ASAP1: variants seen among roughly 807,000 people sequenced by gnomAD.
The protein encoded by ASAP1 is arf-GAP with SH3 domain, ANK repeat and PH domain-containing protein 1.
ASAP1 carries 43 observed loss-of-function variants against 145.2 expected under a neutral mutation model. That is an observed-to-expected ratio of 0.30 (90% CI 0.23 to 0.38). The LOEUF (loss-of-function observed/expected upper bound fraction) is 0.38, where lower values mean the gene tolerates loss of function less well. ASAP1 is among the 10% of genes least tolerant of loss of function. The pLI, the probability that ASAP1 is intolerant of heterozygous loss-of-function variation, is 1.00. For synonymous variants in ASAP1, 546 were observed against 515.5 expected (o/e 1.06, Z -0.80); for missense variants, 1,018 against 1,355.3 (o/e 0.75, Z 3.91).
intron 3 of ASAP1, among the ~76,000 whole-genome samples, chr8:130,284,785 C>G (rs745431608): frequency 9.2e-5 from 14 of 151,786 alleles, no homozygotes; most frequent in Admixed American, 2.0e-4. Flanking sequence ...TCCCTCCCCC[C>G]ATAAGAATAC....
intron 3 of ASAP1, among the ~76,000 whole-genome samples, chr8:130,282,013 G>A (rs953548892): frequency 4.0e-5 from 6 of 150,106 alleles, no homozygotes; most frequent in Non-Finnish European, 8.8e-5. Flanking sequence ...GTTGCAGTGA[G>A]CCAAGATCAT....
chr8:130,394,377 A>G (rs572841259), intron 2 of ASAP1, among the ~76,000 whole-genome samples: 7 of 152,312 alleles, frequency 4.6e-5, no homozygotes, highest in South Asian at 4.1e-4. Flanking sequence ...CCAGACTCCC[A>G]TAGCGCTCCC....
At chr8:130,403,141 C>A (rs1828871582) in intron 1 of ASAP1, among the ~76,000 whole-genome samples, 1 of 152,050 alleles carries the variant, frequency 6.6e-6, no homozygotes, top group Admixed American at 6.6e-5. Context: ...GCATGGATTT[C>A]TAAGATAAGG....
intron 1 of ASAP1, among the ~76,000 whole-genome samples, chr8:130,434,401 C>T (rs1161658398): frequency 6.6e-6 from 1 of 152,054 alleles, no homozygotes; most frequent in Admixed American, 6.6e-5. Context: ...CTAGGCTCTG[C>T]GTATTTCAGG....
At chr8:130,212,436 G>C (rs552607468) in intron 5 of ASAP1, among the ~76,000 whole-genome samples, 2 of 152,326 alleles carry the variant, frequency 1.3e-5, no homozygotes, top group South Asian at 4.1e-4. Context: ...GAGGGAAACA[G>C]CACAACCAGA....
At chr8:130,359,217 T>C (rs979977600) in intron 2 of ASAP1, among the ~76,000 whole-genome samples, 2 of 152,218 alleles carry the variant, frequency 1.3e-5, no homozygotes, top group African/African-American at 4.8e-5. Context: ...TTGCACTTTT[T>C]TTTTTAACTT....
At chr8:130,428,932 A>G (rs1830045322) in intron 1 of ASAP1, among the ~76,000 whole-genome samples, 1 of 152,200 alleles carries the variant, frequency 6.6e-6, no homozygotes, top group African/African-American at 2.4e-5. Flanking sequence ...TCCAAAATCA[A>G]TATATCAGCA....
At chr8:130,297,061 T>C (rs1822324783) in intron 3 of ASAP1, among the ~76,000 whole-genome samples, 1 of 152,172 alleles carries the variant, frequency 6.6e-6, no homozygotes, top group Non-Finnish European at 1.5e-5. Flanking sequence ...GGTAGACAGC[T>C]GTGTGGGGGG....
chr8:130,301,709 A>G (rs187640641), intron 3 of ASAP1, among the ~76,000 whole-genome samples: 25 of 152,356 alleles, frequency 1.6e-4, no homozygotes, highest in Admixed American at 9.8e-4. Context: ...GGTACATAAA[A>G]TGGGATCATC....
At chr8:130,296,293 T>C (rs1215373658) in intron 3 of ASAP1, among the ~76,000 whole-genome samples, 1 of 152,306 alleles carries the variant, frequency 6.6e-6, no homozygotes, top group East Asian at 1.9e-4. Context: ...ATGTTTGCAT[T>C]TGGGTGCTTC....
intron 13 of ASAP1, among the ~76,000 whole-genome samples, chr8:130,143,997 G>A (rs1461643450): frequency 2.0e-5 from 3 of 152,188 alleles, no homozygotes; most frequent in Admixed American, 6.5e-5. Flanking sequence ...AGGCTGACGC[G>A]TGGAAAGAGG....
intron 13 of ASAP1, among the ~76,000 whole-genome samples, chr8:130,151,626 G>A (rs886662734): frequency 2.6e-5 from 4 of 152,194 alleles, no homozygotes; most frequent in African/African-American, 9.6e-5. Context: ...GCAAGGGACA[G>A]AGACAATGCA....
At chr8:130,433,530 A>G (rs1025711366) in intron 1 of ASAP1, among the ~76,000 whole-genome samples, 6 of 152,214 alleles carry the variant, frequency 3.9e-5, no homozygotes, top group African/African-American at 1.4e-4. Flanking sequence ...GTGCCAAATT[A>G]TTAACAGTTA....
Position 130,061,077 on chromosome 8 carries a change from A to T in ASAP1, c.2702-8T>A. The T allele has an allele frequency of 1.3e-6, 2 of 1,521,388 alleles. No homozygotes were observed. Among genetic ancestry groups the T allele is most frequent in the South Asian group, 1.3e-5 (1 of 74,548 alleles). The allele number at this position is 1,521,388 out of a possible 1,614,324, so 94.2% of individuals were successfully genotyped here. Reference sequence around the variant, plus strand: ...CTGTTTTCCTTAGTGCCACTGTGGAAGCAATCAAAAACAAGGAGGTCATTG... The same window carrying T: ...CTGTTTTCCTTAGTGCCACTGTGGATGCAATCAAAAACAAGGAGGTCATTG... On this transcript the variant is annotated splice_region_variant and splice_polypyrimidine_tract_variant and intron_variant, in intron 27 of 29. Transcript: ENST00000518721.
chr8:130,431,694 C>T (rs1002142971), intron 1 of ASAP1, among the ~76,000 whole-genome samples: 3 of 152,000 alleles, frequency 2.0e-5, no homozygotes, highest in African/African-American at 4.8e-5. Flanking sequence ...AACATGCTGG[C>T]TCATAATTAT....
chr8:130,090,657 G>A (rs146206329), intron 25 of ASAP1, among the ~76,000 whole-genome samples: 21 of 152,318 alleles, frequency 1.4e-4, no homozygotes, highest in Non-Finnish European at 2.8e-4. Context: ...GTGCTCTAAT[G>A]ACTTACCCAC....
At chr8:130,403,503 C>T (rs1315224609) in intron 1 of ASAP1, among the ~76,000 whole-genome samples, 2 of 151,854 alleles carry the variant, frequency 1.3e-5, no homozygotes, top group African/African-American at 4.8e-5. Context: ...TGACCTTATC[C>T]TGTCTACCAG....
chr8:130,187,419 C>G (rs1015453462), intron 6 of ASAP1, 134 bp from the exon 7 acceptor site: 10 of 691,128 alleles, frequency 1.4e-5, no homozygotes, highest in Non-Finnish European at 2.4e-5. Context: ...CACGTTACAC[C>G]ATTTTTTTTT....
At chr8:130,128,318 A>AG (rs1413194235) in intron 15 of ASAP1, among the ~76,000 whole-genome samples, 1 of 152,060 alleles carries the variant, frequency 6.6e-6, no homozygotes, top group Non-Finnish European at 1.5e-5. Context: ...GGAAAATGAG[A>AG]GAGAGGAGAG....
Sources: gnomAD v4.1 joint callset for allele counts (sites outside exome capture counted in the v4.1 genomes callset) on GRCh38, gnomAD v4.1.1 for gene constraint, MANE v1.5 for transcripts, NCBI Gene and HGNC (gene_info 2026-07-23, HGNC 2026-07-21) for gene names.